Variants in INTS6 observed in about 807,000 individuals in gnomAD.
INTS6 encodes integrator complex subunit 6, also known as DEAD box protein.
INTS6 carries 16 observed loss-of-function variants against 104.9 expected under a neutral mutation model. The observed-to-expected ratio is 0.15, with a 90% CI of 0.10 to 0.23. The LOEUF is 0.23. INTS6 is among the 10% of genes least tolerant of loss of function. The pLI is 1.00. For synonymous variants in INTS6, 324 were observed against 358.7 expected (o/e 0.90, Z 1.09); for missense variants, 584 against 1,062.8 (o/e 0.55, Z 6.26).
chr13:51,451,936 A>T (rs374891503), intron 2 of INTS6, 42 bp downstream of exon 2: 13 of 1,451,914 alleles, frequency 9.0e-6, no homozygotes, highest in African/African-American at 1.5e-5. Context: ...AGGAAGGAAC[A>T]GGGAAGGGAA....
At chr13:51,350,500 A>ATATATATATCTT (rs1955393954), downstream of INTS6, among the ~76,000 whole-genome samples, 1 of 152,180 alleles carries the variant, frequency 6.6e-6, no homozygotes, top group Non-Finnish European at 1.5e-5. Context: ...ATGTTTTGAT[A>ATATATATATCTT]TTAGATATAA....
chr13:51,388,969 C>A (rs1956195837), intron 6 of INTS6, among the ~76,000 whole-genome samples: 1 of 152,190 alleles, frequency 6.6e-6, no homozygotes, highest in African/African-American at 2.4e-5. Flanking sequence ...ACATCTAGGA[C>A]TGAACACTTT....
intron 10 of INTS6, among the ~76,000 whole-genome samples, chr13:51,379,874 C>T (rs542320018): frequency 2.1e-4 from 32 of 152,166 alleles, no homozygotes; most frequent in Non-Finnish European, 4.3e-4. Context: ...AAGACACATT[C>T]TAGAGGTAGC....
At chr13:51,406,191 C>A (rs1342137896) in intron 4 of INTS6, among the ~76,000 whole-genome samples, 1 of 152,126 alleles carries the variant, frequency 6.6e-6, no homozygotes, top group African/African-American at 2.4e-5. Flanking sequence ...CAACCCCCAA[C>A]CCTACTACTC....
chr13:51,418,054 G>A (rs1049072520), intron 4 of INTS6, among the ~76,000 whole-genome samples: 2 of 152,184 alleles, frequency 1.3e-5, no homozygotes, highest in African/African-American at 4.8e-5. Context: ...CAGGAGATGT[G>A]AAATTACCTT....
At chr13:51,420,237 G>C (rs1956869556) in intron 4 of INTS6, among the ~76,000 whole-genome samples, 1 of 115,222 alleles carries the variant, frequency 8.7e-6, no homozygotes, top group Non-Finnish European at 1.7e-5. Flanking sequence ...TATTAATGCA[G>C]TAGTCACATA....
At position 51,452,833 on chromosome 13, in the gene INTS6, G is replaced by T; in HGVS notation, c.-308C>A. On this transcript the variant is annotated 5_prime_UTR_variant, in exon 1 of 18. Transcript: ENST00000311234. The surrounding 1 kb of genome is among the most constrained non-coding windows in gnomAD (Gnocchi z 4.2). ...CCCCCGCCTCGGGGGTCCCGTCCCC[G>T]CTCCCGGCCCCTGTGTGTGTCCCAG... The T allele has an allele frequency of 8.6e-7, 1 of 1,162,644 alleles. No homozygotes were observed. The highest frequency in any genetic ancestry group is 1.1e-6 in the Non-Finnish European group (1 of 936,004). 72.0% of individuals were successfully genotyped at this position (1,162,644 alleles called of 1,614,324 possible).
At position 51,450,087 on chromosome 13, in the gene INTS6, G is replaced by A. The variant is rs191518797; in HGVS notation, c.339+938C>T. 114 of 985,288 alleles carry A rather than the reference G, an allele frequency of 1.2e-4. 1 individual carries two copies. In the African/African-American group the frequency reaches 1.6e-3, roughly 13 times the overall value. 61.0% of individuals were successfully genotyped at this position (985,288 alleles called of 1,614,324 possible). On this transcript the variant is annotated intron_variant, in intron 3 of 17. Coordinates refer to ENST00000311234, the MANE Select transcript of INTS6 (RefSeq NM_012141.3). Reference sequence around the variant, plus strand: ...CAGAAAGAATTTCCCTGAAATGTACGAAACTCACAAAACTAGGGACTGTGG... The same window carrying A: ...CAGAAAGAATTTCCCTGAAATGTACAAAACTCACAAAACTAGGGACTGTGG...
the INTS6 span, among the ~76,000 whole-genome samples, chr13:51,337,510 C>T: frequency 6.6e-6 from 1 of 152,206 alleles, no homozygotes; most frequent in Non-Finnish European, 1.5e-5. Flanking sequence ...TAGAATCCTA[C>T]AGCCAAGAGG....
the INTS6 span, among the ~76,000 whole-genome samples, chr13:51,347,457 T>A: frequency 6.6e-6 from 1 of 152,166 alleles, no homozygotes; most frequent in African/African-American, 2.4e-5. Flanking sequence ...GACACAGATG[T>A]GGAAGAGAAA....
intron 3 of INTS6, chr13:51,449,988 TAAG>T (rs1953001565): frequency 2.3e-5 from 23 of 985,222 alleles, no homozygotes; most frequent in Non-Finnish European, 2.7e-5. Flanking sequence ...AAGTTATCCC[TAAG>T]AAGCTTAAAA....
intron 4 of INTS6, among the ~76,000 whole-genome samples, chr13:51,429,812 A>G (rs1435073691): frequency 7.2e-6 from 1 of 139,728 alleles, no homozygotes; most frequent in African/African-American, 2.6e-5. Flanking sequence ...ATATATATGT[A>G]TAATACATTT....
chr13:51,375,253 T>C (rs1463302216), intron 13 of INTS6, among the ~76,000 whole-genome samples: 1 of 149,442 alleles, frequency 6.7e-6, no homozygotes, highest in Non-Finnish European at 1.5e-5. Flanking sequence ...CTAGGGAGGC[T>C]AAGGAGGAGA....
chr13:51,396,744 C>T (rs1022376679), intron 4 of INTS6, among the ~76,000 whole-genome samples: 3 of 152,102 alleles, frequency 2.0e-5, no homozygotes, highest in African/African-American at 7.2e-5. Context: ...CAGTCAAATC[C>T]AGAATGTGGA....
downstream of INTS6, among the ~76,000 whole-genome samples, chr13:51,352,741 T>C (rs1203119709): frequency 6.6e-6 from 1 of 152,170 alleles, no homozygotes; most frequent in Non-Finnish European, 1.5e-5. Flanking sequence ...CTGCCCTTCA[T>C]CAATTTAAGG....
intron 4 of INTS6, among the ~76,000 whole-genome samples, chr13:51,398,719 A>G: frequency 6.6e-6 from 1 of 151,320 alleles, no homozygotes; most frequent in East Asian, 1.9e-4. Context: ...TATTATTTGT[A>G]TAAGATGTTT....
chr13:51,449,298 G>A (rs1165712557), intron 3 of INTS6: 2 of 166,794 alleles, frequency 1.2e-5, no homozygotes, highest in Non-Finnish European at 2.5e-5. Context: ...CAATCTCCAG[G>A]TTCTTCTCTT....
chr13:51,432,195 T>C (rs1256234887), intron 3 of INTS6, among the ~76,000 whole-genome samples: 1 of 152,168 alleles, frequency 6.6e-6, no homozygotes, highest in Non-Finnish European at 1.5e-5. Context: ...ATTCTAATAG[T>C]GGTAGTTTTT....
At chr13:51,427,372 A>G (rs1957003426) in intron 4 of INTS6, among the ~76,000 whole-genome samples, 1 of 152,224 alleles carries the variant, frequency 6.6e-6, no homozygotes, top group Non-Finnish European at 1.5e-5. Context: ...GAACCAGAAT[A>G]CAGATCATAT....
Sources: gnomAD v4.1 joint callset for allele counts (sites outside exome capture counted in the v4.1 genomes callset) on GRCh38, gnomAD v4.1.1 for gene constraint, Gnocchi (gnomAD v3.1) non-coding constraint, MANE v1.5 for transcripts, NCBI Gene and HGNC (gene_info 2026-07-23, HGNC 2026-07-21) for gene names.